Variants in CSNK1G1 observed in about 807,000 individuals in gnomAD.
CSNK1G1 encodes the protein casein kinase I isoform gamma-1.
In CSNK1G1, 22 loss-of-function variants were observed where a neutral mutation model predicts 59.6. That is an observed-to-expected ratio of 0.37 (90% CI 0.26 to 0.53). The LOEUF (loss-of-function observed/expected upper bound fraction) is 0.53, where lower values mean the gene tolerates loss of function less well. CSNK1G1 is among the 20% of genes least tolerant of loss of function. The pLI, the probability that CSNK1G1 is intolerant of heterozygous loss-of-function variation, is 0.89. For missense variants in CSNK1G1, 384 were observed against 519.5 expected (o/e 0.74, Z 2.54); for synonymous variants, 179 against 177.1 (o/e 1.01, Z -0.08).
chr15:64,259,354 T>C (rs754897225), intron 2 of CSNK1G1, 113 bp from the exon 3 acceptor site: 5 of 666,112 alleles, frequency 7.5e-6, no homozygotes, highest in Non-Finnish European at 9.9e-6. Flanking sequence ...GCTGTTCACA[T>C]AAATGAAACT....
At chr15:64,338,738 C>T (rs1327315512) in intron 1 of CSNK1G1, among the ~76,000 whole-genome samples, 2 of 125,056 alleles carry the variant, frequency 1.6e-5, no homozygotes, top group African/African-American at 6.0e-5. Context: ...ACACTTCTGG[C>T]CGGGCGCGAT....
At chr15:64,280,522 G>C (rs1027435039) in intron 2 of CSNK1G1, among the ~76,000 whole-genome samples, 1 of 151,712 alleles carries the variant, frequency 6.6e-6, no homozygotes, top group African/African-American at 2.4e-5. Context: ...AAAATAGCCC[G>C]GCTAATTTTT....
At position 64,166,097 on chromosome 15, in the gene CSNK1G1, T is replaced by TA. The variant is rs2081599886; in HGVS notation, c.*5833dup. The TA allele has an allele frequency of 3.3e-6, 2 of 603,294 alleles. No homozygotes were observed. Among genetic ancestry groups the TA allele is most frequent in the South Asian group, 2.0e-5 (1 of 51,100 alleles). The allele number at this position is 603,294 out of a possible 1,614,324, so 37.4% of individuals were successfully genotyped here. A position where few individuals can be genotyped will look rare whatever the true frequency, so the allele number is the denominator to read the frequency against. On this transcript the variant is annotated 3_prime_UTR_variant, in exon 12 of 12. Transcript: ENST00000303052. The surrounding 1 kb of genome is among the most constrained non-coding windows in gnomAD (Gnocchi z 4.5). Reference sequence around the variant, plus strand: ...ATTATACATCTAAAAAAAAAAAAAGTAAAAAAAGAGGCATTTAACAATAAT... The same window carrying TA: ...ATTATACATCTAAAAAAAAAAAAAGTAAAAAAAAGAGGCATTTAACAATAAT...
At chr15:64,234,656 G>A (rs1172277170) in intron 4 of CSNK1G1, among the ~76,000 whole-genome samples, 1 of 152,170 alleles carries the variant, frequency 6.6e-6, no homozygotes, top group East Asian at 1.9e-4. Context: ...AGGCAAAATG[G>A]CTTGCTATTT....
intron 10 of CSNK1G1, among the ~76,000 whole-genome samples, chr15:64,199,644 C>T (rs1413986514): frequency 6.6e-6 from 1 of 152,078 alleles, no homozygotes; most frequent in Non-Finnish European, 1.5e-5. Context: ...TGCCTGAGCT[C>T]AGGAGTTCGC....
Position 64,204,605 on chromosome 15 carries a change from T to A in CSNK1G1, c.851-16A>T, listed in dbSNP as rs1051735805. The A allele has an allele frequency of 6.2e-7, 1 of 1,610,842 alleles. No homozygotes were observed. Among genetic ancestry groups the A allele is most frequent in the African/African-American group, 1.3e-5 (1 of 74,706 alleles). ...GCCATCTCCTCTGTTAGGAAAGAGA[T>A]GAAAGGCCCTGCTCATTAGCTGAAT... On this transcript the variant is annotated splice_polypyrimidine_tract_variant and intron_variant, in intron 8 of 11. Coordinates refer to ENST00000303052, the MANE Select transcript of CSNK1G1 (RefSeq NM_022048.5).
At chr15:64,259,179 A>G in intron 3 of CSNK1G1, 22 bp downstream of exon 3, 1 of 1,571,046 alleles carries the variant, frequency 6.4e-7, no homozygotes, top group Non-Finnish European at 8.7e-7. Flanking sequence ...AACATTAATT[A>G]CCACAAACAG....
chr15:64,245,457 T>C (rs554781190), intron 4 of CSNK1G1, among the ~76,000 whole-genome samples: 1 of 152,310 alleles, frequency 6.6e-6, no homozygotes, highest in South Asian at 2.1e-4. Context: ...GCAAATGATC[T>C]TCACAGCCAT....
intron 2 of CSNK1G1, among the ~76,000 whole-genome samples, chr15:64,277,517 C>T (rs1893700846): frequency 6.8e-6 from 1 of 146,524 alleles, no homozygotes; most frequent in African/African-American, 2.5e-5. Context: ...ACACTTTTAC[C>T]CCTGCTACAA....
chr15:64,229,902 A>ATTTTTTTTTTTTTTTTTTTTT lies in CSNK1G1; in HGVS notation c.293-13210_293-13190dup, dbSNP rs533868270. 9.8e-4 allele frequency among the ~76,000 whole-genome samples: 43 copies of ATTTTTTTTTTTTTTTTTTTTT among 43,804 alleles called. 16 individuals are homozygous for ATTTTTTTTTTTTTTTTTTTTT. The highest frequency in any genetic ancestry group is 4.3e-3 in the East Asian group (4 of 934). 28.7% of individuals were successfully genotyped at this position (43,804 alleles called of 152,430 possible). The stretch of plus-strand genomic sequence containing the variant: ...CCTATATTTTTGGGCATGTTTGTAA[A>ATTTTTTTTTTTTTTTTTTTTT]TTTTTTTTTTTTTTTTTTTTTTTTT... On this transcript the variant is annotated intron_variant, in intron 4 of 11. Transcript: ENST00000303052.
At chr15:64,314,819 TA>T (rs967780327) in intron 1 of CSNK1G1, among the ~76,000 whole-genome samples, 5 of 152,216 alleles carry the variant, frequency 3.3e-5, no homozygotes, top group Non-Finnish European at 7.3e-5. Context: ...ATTCCTTCTT[TA>T]AGGCTGAATA....
intron 2 of CSNK1G1, among the ~76,000 whole-genome samples, chr15:64,275,737 A>C (rs1893574108): frequency 6.6e-6 from 1 of 152,156 alleles, no homozygotes; most frequent in African/African-American, 2.4e-5. Context: ...GAATGTCTTG[A>C]CCAAATTTTT....
At position 64,176,071 on chromosome 15, in the gene CSNK1G1, G is replaced by A. The variant is rs2081738437; in HGVS notation, c.1215-4086C>T. Among the ~76,000 whole-genome samples, 1 of 152,216 alleles carries A rather than the reference G, an allele frequency of 6.6e-6. No individual in the cohort carries two copies. Among genetic ancestry groups the A allele is most frequent in the Non-Finnish European group, 1.5e-5 (1 of 68,038 alleles). On this transcript the variant is annotated intron_variant, in intron 11 of 11. Transcript: ENST00000303052. The surrounding 1 kb of genome is among the most constrained non-coding windows in gnomAD (Gnocchi z 5.2). ...AGCGATAAGATGGGTTTGAAAGAAG[G>A]AATAGATTAATTCCTGGGTACAGGC...
chr15:64,344,477 A>T (rs1331199741), intron 1 of CSNK1G1, among the ~76,000 whole-genome samples: 5 of 152,200 alleles, frequency 3.3e-5, no homozygotes, highest in Admixed American at 3.3e-4. Flanking sequence ...CATTAAATAT[A>T]GGCTATAATA....
chr15:64,212,316 G>A (rs932168666), intron 6 of CSNK1G1, among the ~76,000 whole-genome samples: 1 of 152,172 alleles, frequency 6.6e-6, no homozygotes, highest in Non-Finnish European at 1.5e-5. Flanking sequence ...ACTTTGTAAT[G>A]CCATTTTTTA....
At chr15:64,181,947 T>C (rs546444331) in intron 10 of CSNK1G1, 1 of 153,268 alleles carries the variant, frequency 6.5e-6, no homozygotes, top group East Asian at 1.9e-4. Context: ...AGGAAATATA[T>C]AGTACACGTA....
At chr15:64,282,845 T>C (rs1407084459) in intron 2 of CSNK1G1, among the ~76,000 whole-genome samples, 1 of 152,154 alleles carries the variant, frequency 6.6e-6, no homozygotes, top group East Asian at 1.9e-4. Context: ...CTAGTCACCC[T>C]AGAGGGTATG....
intron 1 of CSNK1G1, among the ~76,000 whole-genome samples, chr15:64,310,349 G>C (rs900864907): frequency 1.3e-5 from 2 of 151,700 alleles, no homozygotes; most frequent in African/African-American, 2.4e-5. Flanking sequence ...TTTTCCAACA[G>C]GAAAAGGGAC....
intron 1 of CSNK1G1, among the ~76,000 whole-genome samples, chr15:64,316,630 A>C (rs946425950): frequency 1.5e-4 from 23 of 152,164 alleles, no homozygotes; most frequent in Admixed American, 1.2e-3. Context: ...CTTATGCCCA[A>C]TTTCTGCCTC....
Sources: allele counts gnomAD v4.1 joint callset (sites outside exome capture counted in the v4.1 genomes callset), GRCh38; gene constraint gnomAD v4.1.1; non-coding constraint Gnocchi (gnomAD v3.1); transcripts MANE v1.5; gene names NCBI Gene and HGNC (gene_info 2026-07-23, HGNC 2026-07-21).